Variants in RHCE observed in about 807,000 individuals in gnomAD.
RHCE encodes the protein Rh blood group CcEe antigens, also known as blood group Rh(CE) polypeptide.
RHCE carries 22 observed loss-of-function variants against 43.8 expected under a neutral mutation model. That is an observed-to-expected ratio of 0.50 (90% CI 0.36 to 0.72). The LOEUF (loss-of-function observed/expected upper bound fraction) is 0.72, where lower values mean the gene tolerates loss of function less well. RHCE is among the 30% of genes least tolerant of loss of function. The pLI is 0.00. For missense variants in RHCE, 385 were observed against 525.4 expected, an observed-to-expected ratio of 0.73 and a Z score of 2.61; for synonymous variants, 156 against 210.7, an observed-to-expected ratio of 0.74 and a Z score of 2.25.
At position 25,391,866 on chromosome 1, in the gene RHCE, A is replaced by T. The variant is rs913271782; in HGVS notation, c.634+128T>A. 2.2e-6 allele frequency: 3 copies of T among 1,339,386 alleles called. No homozygotes were observed. The African/African-American group carries it at 4.3e-5, about 19-fold the overall frequency. 83.0% of individuals were successfully genotyped at this position (1,339,386 alleles called of 1,614,324 possible). The stretch of plus-strand genomic sequence containing the variant: ...TAGCAAACACTACTCAAAGAAGTGA[A>T]TCATGATGGAAGGGCTTCAGACACC... On this transcript the variant is annotated intron_variant, in intron 4 of 9. Coordinates refer to ENST00000294413, the MANE Select transcript of RHCE (RefSeq NM_020485.8).
intron 1 of RHCE, among the ~76,000 whole-genome samples, chr1:25,412,573 G>A (rs12048617): frequency 0.43 from 64,954 of 151,786 alleles, 15,365 homozygotes; most frequent in Non-Finnish European, 0.54. Context: ...TTACTTGGGC[G>A]TGGTGGCAAG....
intron 7 of RHCE, among the ~76,000 whole-genome samples, chr1:25,382,335 A>C (rs1172054755): frequency 6.7e-6 from 1 of 149,586 alleles, no homozygotes; most frequent in Non-Finnish European, 1.5e-5. Context: ...GTTATCCTGG[A>C]ATGAGACAAG....
chr1:25,413,187 C>G (rs1647152555), intron 1 of RHCE, among the ~76,000 whole-genome samples: 1 of 152,132 alleles, frequency 6.6e-6, no homozygotes, highest in Non-Finnish European at 1.5e-5. Flanking sequence ...CCTCAGCCAA[C>G]AAGATGAAAT....
rs1645575439 is a variant in RHCE at position 25,370,514 on chromosome 1, T to G, written c.1180A>C (p.Lys394Gln). The G allele has an allele frequency of 6.2e-7, 1 of 1,612,536 alleles. No homozygotes were observed. Among genetic ancestry groups the G allele is most frequent in the Non-Finnish European group, 8.5e-7 (1 of 1,179,350 alleles). ...TGLLLNLKIWKAPHVAKYFDD... is the reference protein window; with the variant it reads ...TGLLLNLKIWQAPHVAKYFDD... ...AAATATTTAGCCACATGAGGTGCTT[T>G]CCATATTTTGAGATTTAGGAGCAAA... The change falls in exon 9 of 10, where the codon AAA (lysine) becomes CAA (glutamine). Residue 394 changes from lysine (K) to glutamine (Q), a missense_variant. By Grantham distance (53) the Lys-to-Gln change is moderately conservative. Around this residue, in one of 6 missense-constraint regions of RHCE, gnomAD observed 26 missense variants for 37.1 expected, o/e 0.70. Coordinates refer to ENST00000294413, the MANE Select transcript of RHCE (RefSeq NM_020485.8).
chr1:25,392,214 A>G, intron 3 of RHCE, 73 bp from the exon 4 acceptor site: 8 of 1,611,652 alleles, frequency 5.0e-6, no homozygotes, highest in Non-Finnish European at 6.8e-6. Context: ...TGGTCCTTGG[A>G]GAAAGTTCAG....
At chr1:25,380,957 A>T (rs1368549251) in intron 7 of RHCE, among the ~76,000 whole-genome samples, 1 of 136,682 alleles carries the variant, frequency 7.3e-6, no homozygotes, top group African/African-American at 2.8e-5. Flanking sequence ...GCTGGAGTGC[A>T]GTGGCGCGAT....
At chr1:25,384,429 A>T (rs1646088253) in intron 7 of RHCE, among the ~76,000 whole-genome samples, 2 of 151,698 alleles carry the variant, frequency 1.3e-5, no homozygotes, top group South Asian at 4.2e-4. Context: ...TGTTCTCTAC[A>T]GGCATCTGAG....
At position 25,371,239 on chromosome 1, in the gene RHCE, GGTCT is replaced by G. The variant is rs758647622; in HGVS notation, c.1154-703_1154-700del. Among the ~76,000 whole-genome samples, 6 of 151,292 alleles carry G rather than the reference GGTCT, an allele frequency of 4.0e-5. 1 individual carries two copies. Among genetic ancestry groups the G allele is most frequent in the African/African-American group, 1.2e-4 (5 of 40,768 alleles). On this transcript the variant is annotated intron_variant, in intron 8 of 9. Coordinates refer to ENST00000294413, the MANE Select transcript of RHCE (RefSeq NM_020485.8). ...GCGACTCCAGTTGGGTGCTCCTATAGGTCTGTCTTCTCTGGCTCCAGTCAACTCC... is the reference window on the plus strand; with the variant it reads ...GCGACTCCAGTTGGGTGCTCCTATAGGTCTTCTCTGGCTCCAGTCAACTCC...
At chr1:25,392,929 G>T (rs1196832011) in intron 3 of RHCE, among the ~76,000 whole-genome samples, 1 of 152,074 alleles carries the variant, frequency 6.6e-6, no homozygotes, top group East Asian at 1.9e-4. Context: ...ACATGGACAC[G>T]CACTTCACTG....
chr1:25,411,471 C>T (rs1571912337), intron 1 of RHCE: 1 of 1,547,644 alleles, frequency 6.5e-7, no homozygotes, highest in Non-Finnish European at 8.7e-7. Context: ...CGTACACACA[C>T]CCAGGGTCTG....
chr1:25,377,222 T>G (rs1297840727), intron 7 of RHCE, among the ~76,000 whole-genome samples: 1 of 152,072 alleles, frequency 6.6e-6, no homozygotes, highest in Non-Finnish European at 1.5e-5. Flanking sequence ...AGAAAAAAAT[T>G]CAGGGGGACA....
upstream of RHCE, among the ~76,000 whole-genome samples, chr1:25,421,744 G>A (rs2375313): frequency 0.43 from 65,101 of 151,962 alleles, 15,399 homozygotes; most frequent in Non-Finnish European, 0.54. Flanking sequence ...TGTCAAGGAA[G>A]GAAGGAAGAG....
chr1:25,394,301 T>A (rs1377335631), intron 3 of RHCE, among the ~76,000 whole-genome samples: 4 of 152,024 alleles, frequency 2.6e-5, no homozygotes, highest in African/African-American at 9.7e-5. Flanking sequence ...TTTTTTTTTT[T>A]ATCACCATGT....
chr1:25,376,852 T>G (rs1471325345), intron 7 of RHCE, among the ~76,000 whole-genome samples: 1 of 151,744 alleles, frequency 6.6e-6, no homozygotes, highest in Admixed American at 6.6e-5. Flanking sequence ...AGGTGGAGTT[T>G]GCAGTGAGCT....
chr1:25,428,629 T>C (rs1276508716), intron 2 of RHCE, among the ~76,000 whole-genome samples: 2 of 152,242 alleles, frequency 1.3e-5, no homozygotes, highest in Non-Finnish European at 2.9e-5. Context: ...TGAAGGCTCA[T>C]TGTCCTCCAA....
In RHCE at chr1:25,370,560, A is replaced by T; in HGVS notation, c.1154-20T>A. On this transcript the variant is annotated intron_variant, in intron 8 of 9. Transcript: ENST00000294413. ...GCAAACCTGTTTAAATGCATAATTT[A>T]ATGTTAAAAGATTTGGAGCACAGGA... 6.3e-7 allele frequency: 1 copy of T among 1,589,986 alleles called. No individual in the cohort carries two copies. Among genetic ancestry groups the T allele is most frequent in the Non-Finnish European group, 8.6e-7 (1 of 1,159,580 alleles).
intron 1 of RHCE, among the ~76,000 whole-genome samples, chr1:25,429,609 C>G (rs930417455): frequency 6.6e-6 from 1 of 152,166 alleles, no homozygotes; most frequent in African/African-American, 2.4e-5. Context: ...ATGTTAAAAA[C>G]AGTATGACTA....
At chr1:25,406,975 T>C (rs1299461349) in intron 2 of RHCE, among the ~76,000 whole-genome samples, 1 of 119,104 alleles carries the variant, frequency 8.4e-6, no homozygotes, top group African/African-American at 2.6e-5. Context: ...CAGGCTGGAG[T>C]AAAGTGGCAC....
upstream of RHCE, among the ~76,000 whole-genome samples, chr1:25,423,863 A>G (rs1268217693): frequency 1.3e-5 from 2 of 152,214 alleles, no homozygotes; most frequent in African/African-American, 2.4e-5. Context: ...GAAATTTTTC[A>G]TAATAAAATG....
Sources: allele counts gnomAD v4.1 joint callset (sites outside exome capture counted in the v4.1 genomes callset), GRCh38; gene constraint gnomAD v4.1.1; regional missense constraint gnomAD v4.1.1; transcripts MANE v1.5; gene names NCBI Gene and HGNC (gene_info 2026-07-23, HGNC 2026-07-21).